The following SMAD2 variants were observed in gnomAD, a reference collection of about 807,000 sequenced individuals.
SMAD2 encodes MAD homolog 2.
A neutral mutation model predicts 64.4 loss-of-function variants in SMAD2; 8 were observed. The observed-to-expected ratio is 0.12, with a 90% confidence interval of 0.07 to 0.22. SMAD2 has a LOEUF of 0.22. SMAD2 is among the 10% of genes least tolerant of loss of function. The probability of loss-of-function intolerance (pLI) is 1.00; values close to 1 mark genes in which losing one functional copy is unlikely to be tolerated. For synonymous variants in SMAD2, 203 were observed against 195.8 expected (o/e 1.04, Z -0.31); for missense variants, 289 against 561.2 (o/e 0.51, Z 4.90).
At chr18:47,914,095 C>T (rs1289186944) in intron 1 of SMAD2, among the ~76,000 whole-genome samples, 1 of 152,318 alleles carries the variant, frequency 6.6e-6, no homozygotes, top group Middle Eastern at 3.4e-3. Flanking sequence ...AAATAGCATT[C>T]TCTGCACATT....
upstream of SMAD2, chr18:47,930,864 G>C (rs1218199567): frequency 3.3e-5 from 5 of 149,814 alleles, no homozygotes; most frequent in South Asian, 2.1e-4. Context: ...CGCGCGGGTA[G>C]ACCCGCCTGC....
chr18:47,869,571 A>C, intron 3 of SMAD2, 135 bp from the exon 4 acceptor site: 1 of 687,504 alleles, frequency 1.5e-6, no homozygotes, highest in South Asian at 1.7e-5. Context: ...TTTAGTGAGA[A>C]TCAAGAACAA....
At chr18:47,915,494 T>C (rs181191851) in intron 1 of SMAD2, among the ~76,000 whole-genome samples, 4 of 152,304 alleles carry the variant, frequency 2.6e-5, no homozygotes, top group Admixed American at 2.6e-4. Flanking sequence ...CTGCTATGAA[T>C]AGGCTGGTAT....
chr18:47,850,396 T>TTATATATATTATGTATAATATATATAA (rs531314625), intron 7 of SMAD2, among the ~76,000 whole-genome samples: 1 of 21,920 alleles, frequency 4.6e-5, no homozygotes, highest in African/African-American at 2.2e-4. Context: ...ATAATATATA[T>TTATATATATTATGTATAATATATATAA]TATATATTAT....
chr18:47,850,223 TAATA>T (rs1159543787), intron 7 of SMAD2, among the ~76,000 whole-genome samples: 2 of 61,808 alleles, frequency 3.2e-5, no homozygotes, highest in African/African-American at 6.5e-5. Flanking sequence ...TATATATGTA[TAATA>T]TATATTATAT....
chr18:47,905,425 A>G (rs1360144976), intron 1 of SMAD2, among the ~76,000 whole-genome samples: 13 of 152,164 alleles, frequency 8.5e-5, no homozygotes. Context: ...AGCAGAGTTA[A>G]GCAATTCATA....
rs148440785 is a variant in SMAD2 at position 47,917,651 on chromosome 18, G to T, written c.-54+12710C>A. Among the ~76,000 whole-genome samples the T allele has an allele frequency of 7.2e-3, 1,101 of 152,028 alleles. 8 individuals carry two copies. Among genetic ancestry groups the T allele is most frequent in the African/African-American group, 0.025 (1,036 of 41,440 alleles). The stretch of plus-strand genomic sequence containing the variant: ...ATTTCAATTCTTTTGGAGAGTTATT[G>T]GTAAAAAAATTTTTAATGGAAAACT... On this transcript the variant is annotated intron_variant, in intron 1 of 10. Transcript: ENST00000262160.
In SMAD2 at chr18:47,822,111, T is replaced by C. The variant is rs1912595584; in HGVS notation, c.*19716A>G. 2 of 152,220 alleles carry C rather than the reference T, an allele frequency of 1.3e-5. No homozygotes were observed. The highest frequency in any genetic ancestry group is 4.1e-4 in the South Asian group (2 of 4,832). 9.4% of individuals were successfully genotyped at this position (152,220 alleles called of 1,614,324 possible). On this transcript the variant is annotated 3_prime_UTR_variant, in exon 11 of 11. Transcript: ENST00000262160. ...GTAATACTAGACACAGTTACATTTA[T>C]GAGTATGTTATTGATATGAGTGTTC...
intron 6 of SMAD2, among the ~76,000 whole-genome samples, chr18:47,861,683 T>G (rs1048134130): frequency 1.3e-5 from 2 of 152,208 alleles, no homozygotes; most frequent in African/African-American, 4.8e-5. Context: ...GACAAAAATC[T>G]TACTTTCCTA....
intron 10 of SMAD2, among the ~76,000 whole-genome samples, chr18:47,843,107 TCTAGA>T (rs1451264805): frequency 6.6e-6 from 1 of 152,228 alleles, no homozygotes; most frequent in Non-Finnish European, 1.5e-5. Context: ...TTCAGTGTGC[TCTAGA>T]CAACTTCCAA....
intron 1 of SMAD2, chr18:47,922,536 A>T (rs1421603179): frequency 6.6e-6 from 1 of 152,224 alleles, no homozygotes; most frequent in Non-Finnish European, 1.5e-5. Flanking sequence ...TGCATAAAAC[A>T]AATTCTACAC....
In SMAD2 at chr18:47,834,899, G is replaced by A. The variant is rs1218771982; in HGVS notation, c.*6928C>T. 1 of 222,674 alleles carries A rather than the reference G, an allele frequency of 4.5e-6. No individual in the cohort carries two copies. The highest frequency in any genetic ancestry group is 9.0e-6 in the Non-Finnish European group (1 of 111,336). 13.8% of individuals were successfully genotyped at this position (222,674 alleles called of 1,614,324 possible). A position where few individuals can be genotyped will look rare whatever the true frequency, so the allele number is the denominator to read the frequency against. On this transcript the variant is annotated 3_prime_UTR_variant, in exon 11 of 11. Coordinates refer to ENST00000262160, the MANE Select transcript of SMAD2 (RefSeq NM_005901.6). ...TCCTGCATTATATATTAAAACAAAGGCTGCCAGCTGGAGACACAGCCCTCC... is the reference window on the plus strand; with the variant it reads ...TCCTGCATTATATATTAAAACAAAGACTGCCAGCTGGAGACACAGCCCTCC...
At chr18:47,903,157 G>A (rs191768344) in intron 1 of SMAD2, among the ~76,000 whole-genome samples, 2 of 152,240 alleles carry the variant, frequency 1.3e-5, no homozygotes, top group African/African-American at 4.8e-5. Flanking sequence ...GATCCCAAGA[G>A]AGTCTAGACA....
In SMAD2 at chr18:47,840,898, A is replaced by T. The variant is rs1454985602; in HGVS notation, c.*929T>A. On this transcript the variant is annotated 3_prime_UTR_variant, in exon 11 of 11. Transcript: ENST00000262160. ...GCATTTTTTATGAGGTGGAAGGATA[A>T]ATCAACAGACTGCTAGATTATACAA... The T allele has an allele frequency of 2.6e-5, 6 of 232,396 alleles. No individual in the cohort carries two copies. Among genetic ancestry groups the T allele is most frequent in the Non-Finnish European group, 5.1e-5 (6 of 117,572 alleles). The allele number at this position is 232,396 out of a possible 1,614,324, so 14.4% of individuals were successfully genotyped here. A position where few individuals can be genotyped will look rare whatever the true frequency, so the allele number is the denominator to read the frequency against.
At chr18:47,848,914 T>C (rs1184783727) in intron 7 of SMAD2, among the ~76,000 whole-genome samples, 1 of 152,166 alleles carries the variant, frequency 6.6e-6, no homozygotes, top group Non-Finnish European at 1.5e-5. Flanking sequence ...TTTTTTCAAA[T>C]TTCTCCCATG....
In SMAD2 at chr18:47,811,502, AG is replaced by A. The variant is rs1912204462; in HGVS notation, c.*30324del. 6.6e-6 allele frequency: 1 copy of A among 151,936 alleles called. No homozygotes were observed. The highest frequency in any genetic ancestry group is 6.6e-5 in the Admixed American group (1 of 15,240). The allele number at this position is 151,936 out of a possible 1,614,324, so 9.4% of individuals were successfully genotyped here. A position where few individuals can be genotyped will look rare whatever the true frequency, so the allele number is the denominator to read the frequency against. ...AAAAAAAAAAAAAGAAAAAGAAATA[AG>A]GTAATTCTGAAATCCACAGCAATGC... is the stretch of plus-strand genomic sequence containing the variant. On this transcript the variant is annotated 3_prime_UTR_variant, in exon 11 of 11. Coordinates refer to ENST00000262160, the MANE Select transcript of SMAD2 (RefSeq NM_005901.6).
At chr18:47,917,316 C>G (rs955617767) in intron 1 of SMAD2, among the ~76,000 whole-genome samples, 1 of 152,160 alleles carries the variant, frequency 6.6e-6, no homozygotes, top group South Asian at 2.1e-4. Context: ...ATAAATTACA[C>G]CTAGTATATC....
In SMAD2 at chr18:47,836,972, T is replaced by C. The variant is rs976262683; in HGVS notation, c.*4855A>G. On this transcript the variant is annotated 3_prime_UTR_variant, in exon 11 of 11. Transcript: ENST00000262160. Reference sequence around the variant, plus strand: ...CTCTGGAGACCACACACTATCATTATTCTGACTGTCTTAAATACAACAATC... The same window carrying C: ...CTCTGGAGACCACACACTATCATTACTCTGACTGTCTTAAATACAACAATC... 5 of 212,436 alleles carry C rather than the reference T, an allele frequency of 2.4e-5. No homozygotes were observed. Among genetic ancestry groups the C allele is most frequent in the African/African-American group, 1.1e-4 (5 of 44,254 alleles). The allele number at this position is 212,436 out of a possible 1,614,324, so 13.2% of individuals were successfully genotyped here.
intron 8 of SMAD2, 108 bp from the exon 9 acceptor site, chr18:47,845,908 A>G: frequency 1.0e-6 from 1 of 971,156 alleles, no homozygotes; most frequent in African/African-American, 1.6e-5. Context: ...TATTTCCAGG[A>G]TCTTTTTCAC....
Sources: gnomAD v4.1 joint callset for allele counts (sites outside exome capture counted in the v4.1 genomes callset) on GRCh38, gnomAD v4.1.1 for gene constraint, MANE v1.5 for transcripts, NCBI Gene and HGNC (gene_info 2026-07-23, HGNC 2026-07-21) for gene names.